BTBD9: variants seen among roughly 807,000 people sequenced by gnomAD.
The protein encoded by BTBD9 is BTB domain containing 9, also known as BTB/POZ domain-containing protein 9.
A neutral mutation model predicts 64.3 loss-of-function variants in BTBD9; 49 were observed. The observed-to-expected ratio is 0.76, with a 90% CI of 0.61 to 0.97. BTBD9 has a LOEUF of 0.97. Among genes scored for constraint, BTBD9 ranks in the 50% least tolerant of loss-of-function variants. The pLI, the probability that BTBD9 is intolerant of heterozygous loss-of-function variation, is 0.00. For synonymous variants in BTBD9, 260 were observed against 274.7 expected, an observed-to-expected ratio of 0.95 and a Z score of 0.53; for missense variants, 598 against 762.1, an observed-to-expected ratio of 0.78 and a Z score of 2.53.
chr6:38,453,637 A>G (rs751032961), intron 6 of BTBD9, among the ~76,000 whole-genome samples: 2 of 152,172 alleles, frequency 1.3e-5, no homozygotes, highest in Non-Finnish European at 2.9e-5. Flanking sequence ...CACCCCCCTG[A>G]GGACAGCCTG....
At chr6:38,533,255 G>T (rs1256115152) in intron 6 of BTBD9, among the ~76,000 whole-genome samples, 1 of 152,020 alleles carries the variant, frequency 6.6e-6, no homozygotes. Flanking sequence ...AAAAGAACAG[G>T]AGTAGCTATA....
intron 8 of BTBD9, among the ~76,000 whole-genome samples, chr6:38,282,864 G>A (rs1471285994): frequency 6.6e-6 from 1 of 152,078 alleles, no homozygotes; most frequent in African/African-American, 2.4e-5. Context: ...TTTTCCTCCT[G>A]ATTCCCCCAT....
At chr6:38,481,003 T>C (rs1405445379) in intron 6 of BTBD9, among the ~76,000 whole-genome samples, 1 of 152,196 alleles carries the variant, frequency 6.6e-6, no homozygotes, top group Non-Finnish European at 1.5e-5. Context: ...AACAAAGAGC[T>C]TTATATCTAG....
chr6:38,245,703 A>T (rs1764167841), intron 9 of BTBD9, among the ~76,000 whole-genome samples: 1 of 152,026 alleles, frequency 6.6e-6, no homozygotes, highest in Non-Finnish European at 1.5e-5. Flanking sequence ...GCACAGAGGG[A>T]ATGTGGGGGG....
In BTBD9 at chr6:38,177,559, C is replaced by T. The variant is rs193139202; in HGVS notation, c.1642-2377G>A. On this transcript the variant is annotated intron_variant, in intron 10 of 10. Transcript: ENST00000481247. The stretch of plus-strand genomic sequence containing the variant: ...AAGACCTCAGAGTGGCCTGGTGCTG[C>T]GGCTTGCTCTTCACAGCCGGCCTCT... Among the ~76,000 whole-genome samples the T allele has an allele frequency of 2.4e-3, 361 of 152,354 alleles. 1 individual carries two copies. Among genetic ancestry groups the T allele is most frequent in the Non-Finnish European group, 4.3e-3 (290 of 68,034 alleles).
chr6:38,238,922 G>A (rs1354372942), intron 9 of BTBD9, among the ~76,000 whole-genome samples: 2 of 152,288 alleles, frequency 1.3e-5, no homozygotes, highest in East Asian at 3.9e-4. Context: ...AGGGTATAAT[G>A]AGACATGTCC....
intron 10 of BTBD9, chr6:38,180,011 G>A (rs936526719): frequency 2.7e-5 from 10 of 371,458 alleles, no homozygotes; most frequent in Non-Finnish European, 5.3e-5. Context: ...CTGTGGAGCA[G>A]TGTGCCTGCC....
intron 7 of BTBD9, among the ~76,000 whole-genome samples, chr6:38,344,138 C>T (rs1196947819): frequency 6.6e-6 from 1 of 152,086 alleles, no homozygotes; most frequent in Non-Finnish European, 1.5e-5. Flanking sequence ...GGGACAGAAT[C>T]AAGGAGCTAA....
At chr6:38,431,913 T>G (rs1399418956) in intron 6 of BTBD9, among the ~76,000 whole-genome samples, 1 of 151,942 alleles carries the variant, frequency 6.6e-6, no homozygotes, top group East Asian at 1.9e-4. Flanking sequence ...TGCTATGGGT[T>G]GAATGTGTCC....
At chr6:38,210,732 TGTCTA>T (rs1266533743) in intron 9 of BTBD9, among the ~76,000 whole-genome samples, 2 of 152,246 alleles carry the variant, frequency 1.3e-5, no homozygotes, top group Admixed American at 6.5e-5. Flanking sequence ...CAGTTCTAAA[TGTCTA>T]GTAAGTCTTT....
At position 38,268,788 on chromosome 6, in the gene BTBD9, ATTCAGACCTCC is replaced by A. The variant is rs142655496; in HGVS notation, c.1455-12283_1455-12273del. 7.0e-3 allele frequency among the ~76,000 whole-genome samples: 1,062 copies of A among 152,328 alleles called. 8 individuals carry two copies. The highest frequency in any genetic ancestry group is 0.023 in the African/African-American group (961 of 41,574). ...TGATTTTAAAACACTTGCCTATCCAATTCAGACCTCCTTCAGACTTACTACCAGCGTGAGCT... is the reference window on the plus strand; with the variant it reads ...TGATTTTAAAACACTTGCCTATCCAATTCAGACTTACTACCAGCGTGAGCT... On this transcript the variant is annotated intron_variant, in intron 8 of 10. Coordinates refer to ENST00000481247, the MANE Select transcript of BTBD9 (RefSeq NM_001099272.2).
intron 6 of BTBD9, among the ~76,000 whole-genome samples, chr6:38,355,857 TACAA>T (rs1764707279): frequency 1.3e-5 from 2 of 152,172 alleles, no homozygotes; most frequent in Non-Finnish European, 2.9e-5. Context: ...GGAGTACATT[TACAA>T]ACAGTTTCCT....
intron 6 of BTBD9, among the ~76,000 whole-genome samples, chr6:38,428,334 C>T (rs911626484): frequency 7.5e-6 from 1 of 133,678 alleles, no homozygotes; most frequent in Non-Finnish European, 1.7e-5. Flanking sequence ...CTTTAGGCCC[C>T]CAAAAACCTT....
intron 6 of BTBD9, among the ~76,000 whole-genome samples, chr6:38,451,858 C>A (rs767724276): frequency 6.6e-6 from 1 of 152,014 alleles, no homozygotes; most frequent in Non-Finnish European, 1.5e-5. Flanking sequence ...AGTTCATGTA[C>A]CTGAAAAATA....
intron 9 of BTBD9, among the ~76,000 whole-genome samples, chr6:38,195,132 C>T (rs1489549015): frequency 6.6e-6 from 1 of 152,166 alleles, no homozygotes; most frequent in East Asian, 1.9e-4. Flanking sequence ...TTCCCCTGAA[C>T]TTTTTCAGAA....
intron 6 of BTBD9, among the ~76,000 whole-genome samples, chr6:38,517,097 C>T (rs920519819): frequency 3.9e-5 from 6 of 152,186 alleles, no homozygotes; most frequent in African/African-American, 1.4e-4. Flanking sequence ...GGCCACTCCA[C>T]TCTACCTCAG....
chr6:38,566,940 ACTCT>A (rs1371293083), intron 6 of BTBD9, among the ~76,000 whole-genome samples: 2 of 152,016 alleles, frequency 1.3e-5, no homozygotes, highest in Admixed American at 6.6e-5. Flanking sequence ...TCTAAATCCT[ACTCT>A]CTCTAACAGT....
intron 6 of BTBD9, among the ~76,000 whole-genome samples, chr6:38,349,548 A>G (rs999671299): frequency 6.6e-6 from 1 of 152,056 alleles, no homozygotes; most frequent in African/African-American, 2.4e-5. Flanking sequence ...CTATTTTATT[A>G]TTAGTTATTG....
intron 6 of BTBD9, chr6:38,482,013 TGTA>T (rs1771173185): frequency 2.6e-5 from 4 of 152,244 alleles, no homozygotes; most frequent in African/African-American, 4.8e-5. Context: ...TAGGATGTGC[TGTA>T]TAATGTTGAA....
Sources: gnomAD v4.1 joint callset for allele counts (sites outside exome capture counted in the v4.1 genomes callset) on GRCh38, gnomAD v4.1.1 for gene constraint, MANE v1.5 for transcripts, NCBI Gene and HGNC (gene_info 2026-07-23, HGNC 2026-07-21) for gene names.